FLYWCH2: variants seen among roughly 807,000 people sequenced by gnomAD.
FLYWCH2 encodes FLYWCH family member 2.
FLYWCH2 carries 2 observed loss-of-function variants against 6.0 expected under a neutral mutation model. That is an observed-to-expected ratio of 0.33 (90% CI 0.14 to 1.04). FLYWCH2 has a LOEUF of 1.04. Among genes scored for constraint, FLYWCH2 ranks in the 50% least tolerant of loss-of-function variants. The pLI, the probability that FLYWCH2 is intolerant of heterozygous loss-of-function variation, is 0.45. For missense variants in FLYWCH2, 192 were observed against 183.4 expected (o/e 1.05, Z -0.27); for synonymous variants, 87 against 79.3 (o/e 1.10, Z -0.52).
Position 2,896,404 on chromosome 16 carries a change from T to A in FLYWCH2, c.-46T>A, listed in dbSNP as rs765047286. On this transcript the variant is annotated 5_prime_UTR_variant, in exon 3 of 4. Transcript: ENST00000396958. ...TGCCTGGGAGTAGGAGAAATCCACC[T>A]GCTGGGGGCTGAGTGTGGCCTGAGG... 1 of 1,547,944 alleles carries A rather than the reference T, an allele frequency of 6.5e-7. No individual in the cohort carries two copies. The highest frequency in any genetic ancestry group is 8.7e-7 in the Non-Finnish European group (1 of 1,151,732).
chr16:2,894,139 T>C (rs2069791122), intron 1 of FLYWCH2, among the ~76,000 whole-genome samples: 1 of 151,944 alleles, frequency 6.6e-6, no homozygotes, highest in Non-Finnish European at 1.5e-5. Context: ...TCAGAGTGAG[T>C]GTGGAGGTCT....
chr16:2,893,838 A>G (rs1315635969), intron 1 of FLYWCH2, among the ~76,000 whole-genome samples: 1 of 151,276 alleles, frequency 6.6e-6, no homozygotes, highest in Non-Finnish European at 1.5e-5. Context: ...CGGGGTTTCA[A>G]CATGTTAGCC....
At chr16:2,897,252 A>C (rs2069834016) in intron 3 of FLYWCH2, among the ~76,000 whole-genome samples, 1 of 152,162 alleles carries the variant, frequency 6.6e-6, no homozygotes. Context: ...CGAGTCACGC[A>C]GGATGAGACT....
Position 2,892,978 on chromosome 16 carries a change from T to C in FLYWCH2, c.-199-2242T>C, listed in dbSNP as rs933972610. ...TGTCATATATCGTATATAATATATATTATATATGTCACATATATACATATA... is the reference window on the plus strand; with the variant it reads ...TGTCATATATCGTATATAATATATACTATATATGTCACATATATACATATA... On this transcript the variant is annotated intron_variant, in intron 1 of 3. Coordinates refer to ENST00000396958, the MANE Select transcript of FLYWCH2 (RefSeq NM_138439.3). Among the ~76,000 whole-genome samples the C allele has an allele frequency of 3.6e-5, 5 of 140,772 alleles. No homozygotes were observed. The East Asian group carries it at 6.0e-4, about 17-fold the overall frequency. The allele number at this position is 140,772 out of a possible 152,430, so 92.4% of individuals were successfully genotyped here.
intron 1 of FLYWCH2, among the ~76,000 whole-genome samples, chr16:2,887,400 A>C (rs1319944841): frequency 6.7e-6 from 1 of 148,794 alleles, no homozygotes; most frequent in African/African-American, 2.5e-5. Context: ...AGCTGAAGAG[A>C]TCTGCCCACC....
chr16:2,892,265 C>T (rs866323503), intron 1 of FLYWCH2, among the ~76,000 whole-genome samples: 2 of 151,584 alleles, frequency 1.3e-5, no homozygotes, highest in African/African-American at 2.4e-5. Flanking sequence ...GAGGCTGAGG[C>T]GGGTGGATCA....
chr16:2,898,620 G>T (rs1483001525), intron 3 of FLYWCH2: 1 of 162,190 alleles, frequency 6.2e-6, no homozygotes, highest in African/African-American at 2.4e-5. Context: ...TAGGCCTGGG[G>T]CCGTGGTGCC....
At chr16:2,891,979 G>C (rs1023959640) in intron 1 of FLYWCH2, among the ~76,000 whole-genome samples, 1 of 150,956 alleles carries the variant, frequency 6.6e-6, no homozygotes, top group African/African-American at 2.4e-5. Context: ...ATCACTTGAG[G>C]TTGGGAGTTC....
Position 2,899,045 on chromosome 16 carries a change from G to A in FLYWCH2, c.323-4G>A, listed in dbSNP as rs201531918. 3 of 1,607,588 alleles carry A rather than the reference G, an allele frequency of 1.9e-6. No homozygotes were observed. The highest frequency in any genetic ancestry group is 2.3e-5 in the East Asian group (1 of 44,288). On this transcript the variant is annotated splice_polypyrimidine_tract_variant and splice_region_variant and intron_variant, in intron 3 of 3. Transcript: ENST00000396958. ...CCAGCCTGATCCACCCTCTTCTCTC[G>A]CAGGCACAGACAGAACAGAAGACAG... is the stretch of plus-strand genomic sequence containing the variant.
At chr16:2,888,079 G>A (rs1330533525) in intron 1 of FLYWCH2, among the ~76,000 whole-genome samples, 3 of 151,934 alleles carry the variant, frequency 2.0e-5, no homozygotes, top group African/African-American at 7.3e-5. Flanking sequence ...CGTGATCTCG[G>A]CTCACTGCAA....
intron 1 of FLYWCH2, among the ~76,000 whole-genome samples, chr16:2,884,411 C>G (rs1394247186): frequency 1.3e-5 from 2 of 151,742 alleles, no homozygotes; most frequent in Non-Finnish European, 2.9e-5. Flanking sequence ...TGTTGCTGTC[C>G]TAACAAATAA....
chr16:2,892,495 C>CAA (rs56253235), intron 1 of FLYWCH2, among the ~76,000 whole-genome samples: 44,469 of 143,450 alleles, frequency 0.31, 6,757 homozygotes, highest in Non-Finnish European at 0.33. Context: ...GACTCCATCT[C>CAA]AAAAAAAAAA....
intron 1 of FLYWCH2, among the ~76,000 whole-genome samples, chr16:2,889,955 C>T (rs915001362): frequency 5.3e-5 from 8 of 152,062 alleles, no homozygotes; most frequent in East Asian, 1.9e-4. Context: ...CGTAGTGGTG[C>T]GTGTCTGTAG....
intron 1 of FLYWCH2, among the ~76,000 whole-genome samples, chr16:2,892,336 A>G (rs2069767084): frequency 6.6e-6 from 1 of 151,416 alleles, no homozygotes; most frequent in African/African-American, 2.4e-5. Flanking sequence ...CTCCACTAAA[A>G]ATACAAAAAA....
At chr16:2,887,378 C>G (rs1042599811) in intron 1 of FLYWCH2, among the ~76,000 whole-genome samples, 6 of 142,804 alleles carry the variant, frequency 4.2e-5, no homozygotes, top group Non-Finnish European at 9.0e-5. Context: ...CCAGGCTAGA[C>G]CTGAACTCCC....
chr16:2,883,615 C>T (rs1236230382), intron 1 of FLYWCH2, among the ~76,000 whole-genome samples: 1 of 152,212 alleles, frequency 6.6e-6, no homozygotes, highest in Admixed American at 6.5e-5. Flanking sequence ...ACTCGCCCGC[C>T]GGTCCCTGGC....
At position 2,899,299 on chromosome 16, in the gene FLYWCH2, G is replaced by C. The variant is rs1245096953; in HGVS notation, c.*150G>C. 1.9e-6 allele frequency: 1 copy of C among 522,290 alleles called. No individual in the cohort carries two copies. Among genetic ancestry groups the C allele is most frequent in the Non-Finnish European group, 3.3e-6 (1 of 306,824 alleles). The allele number at this position is 522,290 out of a possible 1,614,324, so 32.4% of individuals were successfully genotyped here. ...TTTTTTTTTTTTAGATCAAGTATAA[G>C]TTACTTTTGTAAGCAGAAAAATACT... On this transcript the variant is annotated 3_prime_UTR_variant, in exon 4 of 4. Coordinates refer to ENST00000396958, the MANE Select transcript of FLYWCH2 (RefSeq NM_138439.3).
chr16:2,886,575 G>A (rs1412272727), intron 1 of FLYWCH2, among the ~76,000 whole-genome samples: 2 of 125,550 alleles, frequency 1.6e-5, no homozygotes, highest in African/African-American at 3.3e-5. Context: ...CGGCTGGAGT[G>A]CACTGGTGCA....
chr16:2,894,885 A>G (rs1040608289), intron 1 of FLYWCH2, among the ~76,000 whole-genome samples: 2 of 152,134 alleles, frequency 1.3e-5, no homozygotes, highest in Admixed American at 1.3e-4. Flanking sequence ...ACCCCTCAGG[A>G]CAGACGCATT....
Sources: allele counts gnomAD v4.1 joint callset (sites outside exome capture counted in the v4.1 genomes callset), GRCh38; gene constraint gnomAD v4.1.1; transcripts MANE v1.5; gene names NCBI Gene and HGNC (gene_info 2026-07-23, HGNC 2026-07-21).